Variants in TAFA1 observed in about 807,000 individuals in gnomAD.
TAFA1 encodes chemokine-like protein TAFA-1.
A neutral mutation model predicts 18.5 loss-of-function variants in TAFA1; 4 were observed. That is an observed-to-expected ratio of 0.22 (90% CI 0.11 to 0.49). TAFA1 has a LOEUF of 0.49. Among genes scored for constraint, TAFA1 ranks in the 20% least tolerant of loss-of-function variants. TAFA1 has a pLI of 0.98. For missense variants in TAFA1, 147 were observed against 169.0 expected, an observed-to-expected ratio of 0.87 and a Z score of 0.72; for synonymous variants, 56 against 55.2, an observed-to-expected ratio of 1.01 and a Z score of -0.06.
intron 3 of TAFA1, among the ~76,000 whole-genome samples, chr3:68,484,130 A>T (rs926450049): frequency 6.6e-6 from 1 of 152,250 alleles, no homozygotes; most frequent in Non-Finnish European, 1.5e-5. Context: ...TCATTTCAAC[A>T]TGTAATCAAT....
Position 68,526,641 on chromosome 3 carries a change from A to G in TAFA1, c.260-12115A>G, listed in dbSNP as rs144399316. On this transcript the variant is annotated intron_variant, in intron 3 of 4. Transcript: ENST00000478136. ...ATTTGTAGCAATTCCAGCAAAAACT[A>G]TATTATAGAGTCTAATAGTACTCTC... Among the ~76,000 whole-genome samples, 6 of 152,274 alleles carry G rather than the reference A, an allele frequency of 3.9e-5. No homozygotes were observed. In the East Asian group the frequency reaches 9.6e-4, roughly 24 times the overall value.
At chr3:68,344,281 G>C (rs747690109) in intron 2 of TAFA1, among the ~76,000 whole-genome samples, 1 of 152,076 alleles carries the variant, frequency 6.6e-6, no homozygotes, top group Non-Finnish European at 1.5e-5. Context: ...TTAATAAATG[G>C]AAATATTAAG....
intron 3 of TAFA1, among the ~76,000 whole-genome samples, chr3:68,473,948 T>G (rs1020117059): frequency 6.6e-6 from 1 of 152,042 alleles, no homozygotes; most frequent in Non-Finnish European, 1.5e-5. Flanking sequence ...AGATAAACAT[T>G]TGTTGAATGA....
chr3:68,003,252 G>A (rs533336361), upstream of TAFA1, among the ~76,000 whole-genome samples: 1 of 152,210 alleles, frequency 6.6e-6, no homozygotes, highest in Non-Finnish European at 1.5e-5. Context: ...TGTAACATGA[G>A]AAAACAGAAT....
At position 68,417,637 on chromosome 3, in the gene TAFA1, C is replaced by T. The variant is rs552070020; in HGVS notation, c.259+217C>T. 5.2e-5 allele frequency: 28 copies of T among 539,634 alleles called. No individual in the cohort carries two copies. The Admixed American group carries it at 6.1e-4, about 12-fold the overall frequency. The allele number at this position is 539,634 out of a possible 1,614,324, so 33.4% of individuals were successfully genotyped here. On this transcript the variant is annotated intron_variant, in intron 3 of 4. Transcript: ENST00000478136. ...CCCAAAAAATAGATGTTGAAATTTG[C>T]TTGCCATTGCAGCATTGAGAGGTGG...
chr3:68,006,509 C>A, intron 1 of TAFA1, 115 bp from the exon 2 acceptor site: 1 of 727,132 alleles, frequency 1.4e-6, no homozygotes. Flanking sequence ...TAGTTCTAGC[C>A]AGAGAAGTAG....
intron 2 of TAFA1, among the ~76,000 whole-genome samples, chr3:68,388,591 T>G (rs1306188989): frequency 2.6e-5 from 4 of 152,186 alleles, no homozygotes; most frequent in Non-Finnish European, 5.9e-5. Flanking sequence ...GCATCCTTTT[T>G]ATTTGCTTTT....
At chr3:68,222,684 TTTTA>T (rs1368228391) in intron 2 of TAFA1, among the ~76,000 whole-genome samples, 2 of 152,044 alleles carry the variant, frequency 1.3e-5, no homozygotes, top group Non-Finnish European at 2.9e-5. Context: ...TTTTTATTAT[TTTTA>T]TTTATTTATT....
Position 68,062,052 on chromosome 3 carries a change from A to G in TAFA1, c.118+55308A>G, listed in dbSNP as rs558677621. Among the ~76,000 whole-genome samples, 13 of 152,320 alleles carry G rather than the reference A, an allele frequency of 8.5e-5. No homozygotes were observed. The South Asian group carries it at 2.1e-3, about 24-fold the overall frequency. On this transcript the variant is annotated intron_variant, in intron 2 of 4. Coordinates refer to ENST00000478136, the MANE Select transcript of TAFA1 (RefSeq NM_213609.4). Reference sequence around the variant, plus strand: ...ACATAAGTATGTGGTATTTTATTTTAGATGCTATCAGTTGATCTTTTGCTA... The same window carrying G: ...ACATAAGTATGTGGTATTTTATTTTGGATGCTATCAGTTGATCTTTTGCTA...
At chr3:68,499,815 A>G (rs1037044540) in intron 3 of TAFA1, among the ~76,000 whole-genome samples, 5 of 149,756 alleles carry the variant, frequency 3.3e-5, no homozygotes. Flanking sequence ...TCTCTTGGTT[A>G]TCAGTGACAG....
chr3:68,369,810 A>G (rs1353119298), intron 2 of TAFA1, among the ~76,000 whole-genome samples: 1 of 152,202 alleles, frequency 6.6e-6, no homozygotes, highest in Non-Finnish European at 1.5e-5. Flanking sequence ...TGCACATTCT[A>G]TTAGAAAAAA....
At chr3:68,194,060 T>G (rs1259415511) in intron 2 of TAFA1, among the ~76,000 whole-genome samples, 1 of 151,806 alleles carries the variant, frequency 6.6e-6, no homozygotes, top group East Asian at 1.9e-4. Context: ...GGCATGCTTT[T>G]CCCACAGCAA....
intron 2 of TAFA1, among the ~76,000 whole-genome samples, chr3:68,233,279 A>T (rs548019571): frequency 1.3e-5 from 2 of 152,168 alleles, no homozygotes; most frequent in African/African-American, 4.8e-5. Context: ...ATAGTTTGCA[A>T]ATATCTTATC....
At chr3:68,151,610 C>A (rs1448527641) in intron 2 of TAFA1, among the ~76,000 whole-genome samples, 2 of 152,100 alleles carry the variant, frequency 1.3e-5, no homozygotes, top group Non-Finnish European at 2.9e-5. Flanking sequence ...GAAAAGGGAA[C>A]CAAACTCACG....
At chr3:68,160,803 G>A (rs1342646331) in intron 2 of TAFA1, among the ~76,000 whole-genome samples, 1 of 152,178 alleles carries the variant, frequency 6.6e-6, no homozygotes, top group Non-Finnish European at 1.5e-5. Flanking sequence ...GACCTCCAAT[G>A]CCCTCTCAGA....
chr3:68,534,420 CAT>C (rs2073239428), intron 3 of TAFA1, among the ~76,000 whole-genome samples: 1 of 152,164 alleles, frequency 6.6e-6, no homozygotes, highest in African/African-American at 2.4e-5. Context: ...TTCTTTTGCA[CAT>C]GTGTGCACAT....
chr3:68,301,265 C>T (rs757223135), intron 2 of TAFA1, among the ~76,000 whole-genome samples: 11 of 152,096 alleles, frequency 7.2e-5, no homozygotes, highest in Non-Finnish European at 1.5e-4. Flanking sequence ...AAACTTCATC[C>T]TCCTTATGTA....
At chr3:68,248,173 C>T (rs1024699030) in intron 2 of TAFA1, among the ~76,000 whole-genome samples, 1 of 148,346 alleles carries the variant, frequency 6.7e-6, no homozygotes, top group Non-Finnish European at 1.5e-5. Context: ...ACCAAAAAAG[C>T]TAAATGATTC....
rs558052338 is a variant in TAFA1 at position 68,082,521 on chromosome 3, T to C, written c.118+75777T>C. On this transcript the variant is annotated intron_variant, in intron 2 of 4. Coordinates refer to ENST00000478136, the MANE Select transcript of TAFA1 (RefSeq NM_213609.4). Reference sequence around the variant, plus strand: ...TTTGTGACATCAAACAAATTATTAATCTCTCAAAGTCTTGTTTCCACAACT... The same window carrying C: ...TTTGTGACATCAAACAAATTATTAACCTCTCAAAGTCTTGTTTCCACAACT... Among the ~76,000 whole-genome samples the C allele has an allele frequency of 3.3e-5, 5 of 152,342 alleles. No homozygotes were observed. In the East Asian group the frequency reaches 9.6e-4, roughly 29 times the overall value.
Sources: gnomAD v4.1 joint callset for allele counts (sites outside exome capture counted in the v4.1 genomes callset) on GRCh38, gnomAD v4.1.1 for gene constraint, MANE v1.5 for transcripts, NCBI Gene and HGNC (gene_info 2026-07-23, HGNC 2026-07-21) for gene names.